RASIP1: variants seen among roughly 807,000 people sequenced by gnomAD.
RASIP1 encodes Ras interacting protein 1, also known as ras-interacting protein 1.
A neutral mutation model predicts 85.3 loss-of-function variants in RASIP1; 20 were observed. The ratio of observed to expected loss-of-function variants is 0.23; its 90% CI spans 0.17 to 0.34. The LOEUF is 0.34. Ranked by LOEUF, RASIP1 falls within the 10% of genes least tolerant of loss-of-function variation. RASIP1 has a pLI of 1.00. For missense variants in RASIP1, 1,170 were observed against 1,390.9 expected (o/e 0.84, Z 2.53); for synonymous variants, 617 against 647.1 (o/e 0.95, Z 0.71).
At chr19:48,721,584 C>T (rs1444943826) in intron 11 of RASIP1, among the ~76,000 whole-genome samples, 2 of 152,070 alleles carry the variant, frequency 1.3e-5, no homozygotes, top group Admixed American at 1.3e-4. Flanking sequence ...GGGCGGATCA[C>T]GAGGTCAGGA....
At chr19:48,736,930 G>A (rs1310290278) in intron 3 of RASIP1, among the ~76,000 whole-genome samples, 1 of 152,124 alleles carries the variant, frequency 6.6e-6, no homozygotes, top group African/African-American at 2.4e-5. Context: ...CCAGCTATTC[G>A]GGAGGCTGAG....
intron 4 of RASIP1, among the ~76,000 whole-genome samples, chr19:48,731,720 C>G (rs565634552): frequency 1.3e-5 from 2 of 152,200 alleles, no homozygotes; most frequent in African/African-American, 2.4e-5. Flanking sequence ...ACCCCTACCC[C>G]ATGAATGGGT....
Position 48,724,454 on chromosome 19 carries a change from C to T in RASIP1, c.2427G>A (p.Leu809=). 6.2e-7 allele frequency: 1 copy of T among 1,614,132 alleles called. No individual in the cohort carries two copies. Among genetic ancestry groups the T allele is most frequent in the Non-Finnish European group, 8.5e-7 (1 of 1,180,022 alleles). Residue 809 remains leucine, a synonymous_variant, in exon 10 of 12, where the codon CTG becomes CTA. Transcript: ENST00000222145. The surrounding 1 kb of genome is among the most constrained non-coding windows in gnomAD (Gnocchi z 4.6). ...CCTGTAGCCAGTCCAAGACGAGGTC[C>T]AGGTTGGTTCGGATTTGAACAGCTC... ...WSRAVQIRTN[L]DLVLDWLQGA... is the part of the protein sequence containing the mutation.
At position 48,724,632 on chromosome 19, in the gene RASIP1, G is replaced by T; in HGVS notation, c.2371+85C>A. 2 of 1,583,208 alleles carry T rather than the reference G, an allele frequency of 1.3e-6. No homozygotes were observed. Among genetic ancestry groups the T allele is most frequent in the Non-Finnish European group, 1.7e-6 (2 of 1,161,478 alleles). Reference sequence around the variant, plus strand: ...GTTCTCCAGGGTACCCAAAGGTGAGGCTTGAGCCCGTGGTGTGTCTAATAT... The same window carrying T: ...GTTCTCCAGGGTACCCAAAGGTGAGTCTTGAGCCCGTGGTGTGTCTAATAT... On this transcript the variant is annotated intron_variant, in intron 9 of 11. Transcript: ENST00000222145. This position sits in a 1 kb window ranked among gnomAD's most constrained non-coding sequence, Gnocchi z 4.6.
In RASIP1 at chr19:48,740,385, G is replaced by T; in HGVS notation, c.-4-99C>A. 1 of 1,456,062 alleles carries T rather than the reference G, an allele frequency of 6.9e-7. No individual in the cohort carries two copies. The allele number at this position is 1,456,062 out of a possible 1,614,324, so 90.2% of individuals were successfully genotyped here. ...GAGTCAGAGGGAGGAGGGGGCTGGG[G>T]CTCAGACTTGCGAGTCCAGGGGGAG... is the stretch of plus-strand genomic sequence containing the variant. On this transcript the variant is annotated intron_variant, in intron 1 of 11. Transcript: ENST00000222145. This position sits in a 1 kb window ranked among gnomAD's most constrained non-coding sequence, Gnocchi z 5.5.
intron 3 of RASIP1, chr19:48,737,768 C>A (rs977525754): frequency 1.0e-6 from 1 of 985,114 alleles, no homozygotes; most frequent in African/African-American, 1.7e-5. Context: ...CGGGACCCAA[C>A]AGTTTTTGCC....
At chr19:48,734,070 C>T (rs182203857) in intron 4 of RASIP1, among the ~76,000 whole-genome samples, 34 of 152,052 alleles carry the variant, frequency 2.2e-4, no homozygotes, top group African/African-American at 7.2e-4. Flanking sequence ...CCGAGGCGGG[C>T]GGATCACGAG....
Position 48,727,004 on chromosome 19 carries a change from C to T in RASIP1, c.2023+3G>A. On this transcript the variant is annotated splice_donor_region_variant and intron_variant, in intron 7 of 11. Coordinates refer to ENST00000222145, the MANE Select transcript of RASIP1 (RefSeq NM_017805.3). ...ACAAGCCTGAGCCTGAGTCAGAGCT[C>T]ACCCTCTTGGTCAGCCTCCTTCTCC... is the stretch of plus-strand genomic sequence containing the variant. 8 of 1,614,152 alleles carry T rather than the reference C, an allele frequency of 5.0e-6. No homozygotes were observed. The highest frequency in any genetic ancestry group is 6.8e-6 in the Non-Finnish European group (8 of 1,180,024).
At chr19:48,737,970 A>G in intron 3 of RASIP1, 1 of 979,634 alleles carries the variant, frequency 1.0e-6, no homozygotes, top group Non-Finnish European at 1.2e-6. Context: ...TTCGAGACGA[A>G]GTCTCGCTCT....
chr19:48,724,650 T>C lies in RASIP1; in HGVS notation c.2371+67A>G. 6.3e-7 allele frequency: 1 copy of C among 1,599,064 alleles called. No homozygotes were observed. Among genetic ancestry groups the C allele is most frequent in the Non-Finnish European group, 8.5e-7 (1 of 1,171,438 alleles). ...AGGTGAGGCTTGAGCCCGTGGTGTG[T>C]CTAATATGACCTGAGTCTCAGTGGC... On this transcript the variant is annotated intron_variant, in intron 9 of 11. Transcript: ENST00000222145. The surrounding 1 kb of genome is among the most constrained non-coding windows in gnomAD (Gnocchi z 4.6).
intron 3 of RASIP1, among the ~76,000 whole-genome samples, chr19:48,736,674 T>C (rs1468274565): frequency 6.6e-6 from 1 of 152,124 alleles, no homozygotes. Flanking sequence ...CCACTAGGCT[T>C]GTGAGATATG....
intron 8 of RASIP1, 60 bp downstream of exon 8, chr19:48,726,725 A>G: frequency 7.8e-7 from 1 of 1,286,636 alleles, no homozygotes; most frequent in African/African-American, 1.5e-5. Context: ...ACAGGAAGTG[A>G]TATTACGTGA....
chr19:48,734,752 G>C (rs1156854357), intron 4 of RASIP1, among the ~76,000 whole-genome samples: 3 of 152,152 alleles, frequency 2.0e-5, no homozygotes, highest in African/African-American at 7.2e-5. Context: ...CTCCCAAAGT[G>C]CTGGGATAAC....
In RASIP1 at chr19:48,726,777, G is replaced by C; in HGVS notation, c.2127+8C>G. The C allele has an allele frequency of 1.0e-5, 16 of 1,596,476 alleles. No individual in the cohort carries two copies. The highest frequency in any genetic ancestry group is 1.4e-5 in the Non-Finnish European group (16 of 1,171,722). ...ATGTCAAACAGGAAGTAAGAGGCAA[G>C]GGCCAACCTTGGTGAGGTAGTAGAC... On this transcript the variant is annotated splice_region_variant and intron_variant, in intron 8 of 11. Coordinates refer to ENST00000222145, the MANE Select transcript of RASIP1 (RefSeq NM_017805.3).
In RASIP1 at chr19:48,739,658, C is replaced by G; in HGVS notation, c.138-13G>C. ...CGACGAAGAAGACCTGGGAGTCCGC[C>G]GGGGAACAGAGTCGCGGGAGAGAGA... On this transcript the variant is annotated splice_polypyrimidine_tract_variant and intron_variant, in intron 2 of 11. Coordinates refer to ENST00000222145, the MANE Select transcript of RASIP1 (RefSeq NM_017805.3). This position sits in a 1 kb window ranked among gnomAD's most constrained non-coding sequence, Gnocchi z 9.2. 1 of 1,382,968 alleles carries G rather than the reference C, an allele frequency of 7.2e-7. No individual in the cohort carries two copies. The highest frequency in any genetic ancestry group is 9.4e-7 in the Non-Finnish European group (1 of 1,067,116). 85.7% of individuals were successfully genotyped at this position (1,382,968 alleles called of 1,614,324 possible).
At position 48,721,018 on chromosome 19, in the gene RASIP1, C is replaced by T. The variant is rs538720938; in HGVS notation, c.2693-21G>A. On this transcript the variant is annotated intron_variant, in intron 11 of 11. Coordinates refer to ENST00000222145, the MANE Select transcript of RASIP1 (RefSeq NM_017805.3). ...GTCCCCTGTGAGGCCGAAGGCGGCG[C>T]GGTTAGAGTCTGAAAGTGGGAGTGA... The T allele has an allele frequency of 4.5e-6, 7 of 1,559,976 alleles. No individual in the cohort carries two copies. The African/African-American group carries it at 6.7e-5, about 15-fold the overall frequency.
rs751044799 is a variant in RASIP1 at position 48,726,822 on chromosome 19, A to G, written c.2090T>C (p.Met697Thr). 2 of 1,614,072 alleles carry G rather than the reference A, an allele frequency of 1.2e-6. No individual in the cohort carries two copies. The highest frequency in any genetic ancestry group is 1.7e-6 in the Non-Finnish European group (2 of 1,179,940). ...GTAGACAGACTGCTGGAAGGTACACATGATGACCTCATCCAGGAGGGCCAT... is the reference window on the plus strand; with the variant it reads ...GTAGACAGACTGCTGGAAGGTACACGTGATGACCTCATCCAGGAGGGCCAT... ...EAMALLDEVI[M>T]CTFQQSVYYL... The change falls in exon 8 of 12, where the codon ATG becomes ACG. Residue 697 changes from methionine (M) to threonine (T), a missense_variant. Around this residue, in one of 4 missense-constraint regions of RASIP1, gnomAD observed 426 missense variants for 576.2 expected, o/e 0.74. Coordinates refer to ENST00000222145, the MANE Select transcript of RASIP1 (RefSeq NM_017805.3).
Position 48,727,165 on chromosome 19 carries a change from A to G in RASIP1, c.1872-7T>C. The G allele has an allele frequency of 6.2e-7, 1 of 1,613,488 alleles. No homozygotes were observed. Among genetic ancestry groups the G allele is most frequent in the South Asian group, 1.1e-5 (1 of 91,042 alleles). On this transcript the variant is annotated splice_polypyrimidine_tract_variant and splice_region_variant and intron_variant, in intron 6 of 11. Transcript: ENST00000222145. ...GGGGACCCCCTCAGGGTGGCTTGAA[A>G]AAGAGGAAGGAATTTGTGATCCCTG...
intron 8 of RASIP1, 57 bp downstream of exon 8, chr19:48,726,728 T>C (rs2033349044): frequency 7.5e-7 from 1 of 1,329,322 alleles, no homozygotes; most frequent in Non-Finnish European, 1.1e-6. Context: ...GGAAGTGATA[T>C]TACGTGAAAC....
Sources: allele counts gnomAD v4.1 joint callset (sites outside exome capture counted in the v4.1 genomes callset), GRCh38; gene constraint gnomAD v4.1.1; regional missense constraint gnomAD v4.1.1; non-coding constraint Gnocchi (gnomAD v3.1); transcripts MANE v1.5; gene names NCBI Gene and HGNC (gene_info 2026-07-23, HGNC 2026-07-21).